TSHZ2: variants seen among roughly 807,000 people sequenced by gnomAD.
The protein encoded by TSHZ2 is teashirt zinc finger homeobox 2, also known as teashirt homolog 2.
TSHZ2 carries 21 observed loss-of-function variants against 74.4 expected under a neutral mutation model. The observed-to-expected ratio is 0.28, with a 90% CI of 0.20 to 0.41. TSHZ2 has a LOEUF of 0.41. Ranked by LOEUF, TSHZ2 falls within the 10% of genes least tolerant of loss-of-function variation. The pLI, the probability that TSHZ2 is intolerant of heterozygous loss-of-function variation, is 1.00. For missense variants in TSHZ2, 1,244 were observed against 1,293.5 expected (o/e 0.96, Z 0.59); for synonymous variants, 540 against 515.3 (o/e 1.05, Z -0.65).
chr20:53,336,643 T>G (rs968099154), intron 2 of TSHZ2, among the ~76,000 whole-genome samples: 46 of 152,202 alleles, frequency 3.0e-4, no homozygotes, highest in African/African-American at 1.1e-3. Flanking sequence ...CTTCCATGTC[T>G]TGTTCTTGTG....
At chr20:53,083,242 C>T (rs1199714744) in intron 1 of TSHZ2, among the ~76,000 whole-genome samples, 1 of 152,156 alleles carries the variant, frequency 6.6e-6, no homozygotes, top group Non-Finnish European at 1.5e-5. Flanking sequence ...TCACACCATG[C>T]CTTTGAGTTT....
intron 1 of TSHZ2, among the ~76,000 whole-genome samples, chr20:53,104,395 A>G (rs974653509): frequency 6.6e-5 from 10 of 152,222 alleles, no homozygotes; most frequent in African/African-American, 2.4e-4. Flanking sequence ...ACTAGGAGCA[A>G]TCCAGAGAAA....
intron 1 of TSHZ2, among the ~76,000 whole-genome samples, chr20:53,104,530 C>CT (rs1986308278): frequency 1.3e-5 from 2 of 152,082 alleles, no homozygotes; most frequent in South Asian, 4.1e-4. Context: ...TTACCAAAGT[C>CT]TTTGTGTGTT....
rs1986403899 is a variant in TSHZ2 at position 53,489,917 on chromosome 20, C to T, written c.*2782C>T. 6.6e-6 allele frequency: 1 copy of T among 152,244 alleles called. No homozygotes were observed. The highest frequency in any genetic ancestry group is 1.5e-5 in the Non-Finnish European group (1 of 68,056). 9.4% of individuals were successfully genotyped at this position (152,244 alleles called of 1,614,324 possible). On this transcript the variant is annotated 3_prime_UTR_variant, in exon 3 of 3. Coordinates refer to ENST00000371497, the MANE Select transcript of TSHZ2 (RefSeq NM_173485.6). ...GAGGAAAAAAACTAAATAACATAAACTCAGGAGAATGTCTTTACCCACCTT... is the reference window on the plus strand; with the variant it reads ...GAGGAAAAAAACTAAATAACATAAATTCAGGAGAATGTCTTTACCCACCTT...
intron 1 of TSHZ2, among the ~76,000 whole-genome samples, chr20:53,160,093 T>G (rs572220216): frequency 6.6e-6 from 1 of 152,190 alleles, no homozygotes; most frequent in Admixed American, 6.5e-5. Context: ...GGAGGGCACA[T>G]AGTAGGCCCT....
At chr20:53,377,826 G>A (rs889441667) in intron 2 of TSHZ2, among the ~76,000 whole-genome samples, 1 of 152,072 alleles carries the variant, frequency 6.6e-6, no homozygotes, top group South Asian at 2.1e-4. Context: ...TCGGGCCACT[G>A]CACTCCAGCC....
chr20:53,484,382 C>CT (rs10610067), intron 2 of TSHZ2, among the ~76,000 whole-genome samples: 3,677 of 98,812 alleles, frequency 0.037, 88 homozygotes, highest in African/African-American at 0.086. Flanking sequence ...TTATCTCTCT[C>CT]TTTTTTTTTT....
intron 1 of TSHZ2, among the ~76,000 whole-genome samples, chr20:53,191,573 G>A (rs1243737891): frequency 6.6e-6 from 1 of 152,242 alleles, no homozygotes. Context: ...TGAAGTGGGA[G>A]AATCACTTGA....
At chr20:53,469,222 A>C (rs1397279115) in intron 2 of TSHZ2, among the ~76,000 whole-genome samples, 3 of 151,462 alleles carry the variant, frequency 2.0e-5, no homozygotes, top group Admixed American at 6.6e-5. Flanking sequence ...AATAATTAAC[A>C]GAAATAATGC....
At chr20:53,215,061 C>T (rs1443971738) in intron 1 of TSHZ2, among the ~76,000 whole-genome samples, 2 of 152,134 alleles carry the variant, frequency 1.3e-5, no homozygotes, top group East Asian at 1.9e-4. Flanking sequence ...AGGCTAATGT[C>T]CTCCTGCAGA....
chr20:52,976,750 C>G (rs1981353697), intron 1 of TSHZ2, among the ~76,000 whole-genome samples: 1 of 152,134 alleles, frequency 6.6e-6, no homozygotes, highest in African/African-American at 2.4e-5. Flanking sequence ...TGCAATAGAA[C>G]ACACAATCTT....
intron 2 of TSHZ2, among the ~76,000 whole-genome samples, chr20:53,277,255 A>G (rs1027672557): frequency 2.0e-5 from 3 of 150,768 alleles, no homozygotes; most frequent in South Asian, 2.1e-4. Flanking sequence ...TTTGGAAGCA[A>G]TGGTTAAAAC....
chr20:53,157,919 G>C (rs1024385926), intron 1 of TSHZ2, among the ~76,000 whole-genome samples: 16 of 151,472 alleles, frequency 1.1e-4, no homozygotes, highest in Non-Finnish European at 1.2e-4. Flanking sequence ...GGAAAGAGTG[G>C]TGGGCAGTCA....
At position 53,254,081 on chromosome 20, in the gene TSHZ2, T is replaced by A; in HGVS notation, c.623T>A (p.Val208Glu). ...YRQSSKMCGT[V>E]FTGASRFRCR... The stretch of plus-strand genomic sequence containing the variant: ...CAGAGCAGCAAGATGTGCGGGACTG[T>A]GTTCACAGGGGCCAGCAGATTCCGA... The change falls in exon 2 of 3, where the codon GTG becomes GAG. Residue 208 changes from valine to glutamate, a missense_variant. Transcript: ENST00000371497. The A allele has an allele frequency of 4.3e-6, 7 of 1,614,064 alleles. No homozygotes were observed. Among genetic ancestry groups the A allele is most frequent in the Non-Finnish European group, 5.9e-6 (7 of 1,180,004 alleles).
chr20:53,486,073 T>C (rs6022518), intron 2 of TSHZ2, among the ~76,000 whole-genome samples: 30,258 of 152,104 alleles, frequency 0.2, 3,180 homozygotes, highest in East Asian at 0.3. Context: ...CCCCAGTCCC[T>C]GGCAACCATC....
chr20:53,086,054 G>A (rs561152091), intron 1 of TSHZ2, among the ~76,000 whole-genome samples: 17 of 152,190 alleles, frequency 1.1e-4, no homozygotes, highest in African/African-American at 3.6e-4. Context: ...CATGGAGGCC[G>A]TGTCTTCTGG....
At chr20:53,004,334 T>C (rs1322186663) in intron 1 of TSHZ2, among the ~76,000 whole-genome samples, 3 of 152,224 alleles carry the variant, frequency 2.0e-5, no homozygotes, top group African/African-American at 7.2e-5. Flanking sequence ...CAGAGTATTC[T>C]GATAGTGAAG....
At chr20:53,035,003 G>T (rs1983766717) in intron 1 of TSHZ2, among the ~76,000 whole-genome samples, 1 of 152,210 alleles carries the variant, frequency 6.6e-6, no homozygotes, top group Non-Finnish European at 1.5e-5. Flanking sequence ...GGAGACTCCT[G>T]TCTAGAAAGA....
intron 1 of TSHZ2, among the ~76,000 whole-genome samples, chr20:53,012,301 C>G (rs1232810960): frequency 6.6e-6 from 1 of 152,128 alleles, no homozygotes; most frequent in Non-Finnish European, 1.5e-5. Context: ...TGTTTCTGCT[C>G]AGTTAGCCAC....
Sources: gnomAD v4.1 joint callset for allele counts (sites outside exome capture counted in the v4.1 genomes callset) on GRCh38, gnomAD v4.1.1 for gene constraint, MANE v1.5 for transcripts, NCBI Gene and HGNC (gene_info 2026-07-23, HGNC 2026-07-21) for gene names.